The following ZNF654 variants were observed in gnomAD, a reference collection of about 807,000 sequenced individuals.
ZNF654 encodes melanoma-associated antigen.
A neutral mutation model predicts 95.3 loss-of-function variants in ZNF654; 19 were observed. The ratio of observed to expected loss-of-function variants is 0.20; its 90% CI spans 0.14 to 0.29. The LOEUF (loss-of-function observed/expected upper bound fraction) is 0.29, where lower values mean the gene tolerates loss of function less well. ZNF654 is among the 10% of genes least tolerant of loss of function. ZNF654 has a pLI of 1.00. For missense variants in ZNF654, 1,046 were observed against 1,341.0 expected (o/e 0.78, Z 3.44); for synonymous variants, 413 against 457.9 (o/e 0.90, Z 1.25).
intron 1 of ZNF654, among the ~76,000 whole-genome samples, chr3:88,076,184 G>A (rs1345885400): frequency 6.6e-6 from 1 of 152,174 alleles, no homozygotes; most frequent in Non-Finnish European, 1.5e-5. Flanking sequence ...TCTTCAAGGT[G>A]TGGTTTTTCA....
chr3:88,129,065 A>T, intron 5 of ZNF654, 54 bp downstream of exon 5: 1 of 1,330,162 alleles, frequency 7.5e-7, no homozygotes, highest in South Asian at 1.5e-5. Context: ...CCAAAAAAAA[A>T]CCAAAAAAAA....
At position 88,141,595 on chromosome 3, in the gene ZNF654, C is replaced by T. The variant is rs201527695; in HGVS notation, c.3380-50C>T. 1,132 of 1,376,420 alleles carry T rather than the reference C, an allele frequency of 8.2e-4. 8 individuals carry two copies. The highest frequency in any genetic ancestry group is 1.4e-3 in the South Asian group (81 of 59,692). 85.3% of individuals were successfully genotyped at this position (1,376,420 alleles called of 1,614,324 possible). A position where few individuals can be genotyped will look rare whatever the true frequency, so the allele number is the denominator to read the frequency against. ...TAAACAGGAATCTGACTTGGAATTCCGGTCGAATGTCAATAAAACTTGCAT... is the reference window on the plus strand; with the variant it reads ...TAAACAGGAATCTGACTTGGAATTCTGGTCGAATGTCAATAAAACTTGCAT... On this transcript the variant is annotated intron_variant, in intron 8 of 8. Transcript: ENST00000636215.
intron 2 of ZNF654, chr3:88,095,666 T>C (rs112595836): frequency 2.4e-4 from 113 of 474,672 alleles, no homozygotes; most frequent in African/African-American, 1.4e-3. Context: ...GTTCTCTTTT[T>C]TGGACTTGAT....
intron 5 of ZNF654, 50 bp downstream of exon 5, chr3:88,129,061 A>T: frequency 2.3e-5 from 31 of 1,348,594 alleles, no homozygotes; most frequent in Non-Finnish European, 3.1e-5. Flanking sequence ...CCTACCAAAA[A>T]AAAACCAAAA....
intron 6 of ZNF654, among the ~76,000 whole-genome samples, chr3:88,132,279 T>C (rs1706511101): frequency 6.6e-6 from 1 of 152,170 alleles, no homozygotes; most frequent in Admixed American, 6.6e-5. Flanking sequence ...GACGTCATTA[T>C]ATAGGCTTTT....
rs890672936 is a variant in ZNF654, at chr3:88,086,339, C to A, written c.269C>A (p.Thr90Lys). The stretch of plus-strand genomic sequence containing the variant: ...CAGACTGCCCTTTGTTGTTTTACAA[C>A]AGCCAGTGCATCATTCCCAGATGAA... ...VLQTALCCFTTASASFPDECE... is the reference protein window; with the variant it reads ...VLQTALCCFTKASASFPDECE... Residue 90 changes from threonine (T) to lysine (K), a missense_variant, in exon 2 of 9, where the codon ACA (threonine) becomes AAA (lysine). By Grantham distance (78) the Thr-to-Lys change is moderately conservative. Around this residue, in one of 9 missense-constraint regions of ZNF654, gnomAD observed 91 missense variants for 190.5 expected, o/e 0.48. Coordinates refer to ENST00000636215, the MANE Select transcript of ZNF654 (RefSeq NM_001350134.2). 2.0e-6 allele frequency: 3 copies of A among 1,535,298 alleles called. No homozygotes were observed. The highest frequency in any genetic ancestry group is 2.7e-5 in the African/African-American group (2 of 73,020).
intron 2 of ZNF654, among the ~76,000 whole-genome samples, chr3:88,099,114 G>C (rs1704242972): frequency 6.6e-6 from 1 of 152,138 alleles, no homozygotes; most frequent in Admixed American, 6.6e-5. Context: ...ATCTCCTTAA[G>C]CTGATAGGCA....
rs370961902 is a variant in ZNF654 at position 88,140,596 on chromosome 3, T to C, written c.2927T>C (p.Ile976Thr). 8.7e-5 allele frequency: 140 copies of C among 1,613,744 alleles called. No individual in the cohort carries two copies. The highest frequency in any genetic ancestry group is 5.3e-4 in the East Asian group (24 of 44,876). The change falls in exon 8 of 9, where the codon ATA becomes ACA. Residue 976 changes from isoleucine (I) to threonine (T), a missense_variant. Physicochemically the swap from Ile to Thr is moderately conservative, Grantham distance 89. Around this residue, in one of 9 missense-constraint regions of ZNF654, gnomAD observed 495 missense variants for 537.0 expected, o/e 0.92. Coordinates refer to ENST00000636215, the MANE Select transcript of ZNF654 (RefSeq NM_001350134.2). The part of the protein sequence containing the change: ...NSENNCSSSD[I>T]VNGHSEIEQT... ...GAAAATAATTGTAGTAGTAGTGATA[T>C]AGTCAATGGACACAGTGAAATAGAG...
intron 1 of ZNF654, among the ~76,000 whole-genome samples, chr3:88,061,884 TGAATTATACA>T (rs769840799): frequency 1.3e-5 from 2 of 152,178 alleles, no homozygotes; most frequent in Admixed American, 6.5e-5. Context: ...ACTAAGTACA[TGAATTATACA>T]GACAGGCTAG....
chr3:88,129,321 T>TAAAAAAAAA (rs11370327), intron 5 of ZNF654, among the ~76,000 whole-genome samples: 1 of 76,930 alleles, frequency 1.3e-5, no homozygotes, highest in Non-Finnish European at 2.4e-5. Context: ...TTGCCAGGAG[T>TAAAAAAAAA]AAAAAAAAAA....
At chr3:88,086,671 T>G (rs564561140) in intron 2 of ZNF654, among the ~76,000 whole-genome samples, 1 of 152,334 alleles carries the variant, frequency 6.6e-6, no homozygotes, top group South Asian at 2.1e-4. Flanking sequence ...CCAGATTGCC[T>G]TGGGAAGCTC....
intron 1 of ZNF654, among the ~76,000 whole-genome samples, chr3:88,075,012 C>A (rs1399197832): frequency 6.6e-6 from 1 of 152,172 alleles, no homozygotes; most frequent in Non-Finnish European, 1.5e-5. Context: ...ACCATTTCCT[C>A]CTTCCTGAAA....
intron 2 of ZNF654, among the ~76,000 whole-genome samples, chr3:88,108,906 G>A (rs1704909482): frequency 6.6e-6 from 1 of 152,052 alleles, no homozygotes; most frequent in African/African-American, 2.4e-5. Context: ...AATTGTGAGG[G>A]ACAAAGAAAT....
At chr3:88,094,199 T>G (rs1214197166) in intron 2 of ZNF654, among the ~76,000 whole-genome samples, 3 of 152,136 alleles carry the variant, frequency 2.0e-5, no homozygotes, top group Non-Finnish European at 4.4e-5. Context: ...TAGAGTATTT[T>G]GTTTATAGGA....
At chr3:88,131,165 A>G (rs1457298078) in intron 6 of ZNF654, among the ~76,000 whole-genome samples, 4 of 152,148 alleles carry the variant, frequency 2.6e-5, no homozygotes, top group Admixed American at 1.3e-4. Flanking sequence ...ACTGTACTGA[A>G]TGCTGTAGGC....
chr3:88,077,948 G>A (rs1707901292), intron 1 of ZNF654, among the ~76,000 whole-genome samples: 1 of 152,062 alleles, frequency 6.6e-6, no homozygotes, highest in Non-Finnish European at 1.5e-5. Context: ...TGAATTTTAG[G>A]TGACTATTAT....
intron 1 of ZNF654, among the ~76,000 whole-genome samples, chr3:88,081,743 C>T (rs1186840825): frequency 4.6e-5 from 7 of 152,152 alleles, no homozygotes; most frequent in African/African-American, 1.7e-4. Flanking sequence ...GTTCCAGGCT[C>T]ATCTTGTGTT....
At chr3:88,105,579 T>TG (rs1704685860) in intron 2 of ZNF654, among the ~76,000 whole-genome samples, 2 of 152,300 alleles carry the variant, frequency 1.3e-5, no homozygotes, top group South Asian at 4.1e-4. Context: ...ATTGTAATGT[T>TG]GCTAAATATG....
Position 88,140,625 on chromosome 3 carries a change from A to C in ZNF654, c.2956A>C (p.Thr986Pro), listed in dbSNP as rs771496301. 1.2e-6 allele frequency: 2 copies of C among 1,613,782 alleles called. No homozygotes were observed. Among genetic ancestry groups the C allele is most frequent in the Non-Finnish European group, 1.7e-6 (2 of 1,179,740 alleles). ...CAATGGACACAGTGAAATAGAGCAAACACCTTTAGTTTCATCAGATCCTGC... is the reference window on the plus strand; with the variant it reads ...CAATGGACACAGTGAAATAGAGCAACCACCTTTAGTTTCATCAGATCCTGC... ...IVNGHSEIEQTPLVSSDPALK... is the reference protein window; with the variant it reads ...IVNGHSEIEQPPLVSSDPALK... The change falls in exon 8 of 9, where the codon ACA (threonine) becomes CCA (proline). Residue 986 changes from threonine to proline, a missense_variant. Physicochemically the swap from Thr to Pro is conservative, Grantham distance 38 (BLOSUM62 -1). This residue lies in a region of ZNF654 where 495 missense variants were observed against 537.0 expected (regional missense o/e 0.92). Transcript: ENST00000636215.
Sources: gnomAD v4.1 joint callset for allele counts (sites outside exome capture counted in the v4.1 genomes callset) on GRCh38, gnomAD v4.1.1 for gene constraint, gnomAD v4.1.1 regional missense constraint, MANE v1.5 for transcripts, NCBI Gene and HGNC (gene_info 2026-07-23, HGNC 2026-07-21) for gene names.